Variants in CRACDL observed in about 807,000 individuals in gnomAD.
The protein encoded by CRACDL is CRACD like.
A neutral mutation model predicts 70.6 loss-of-function variants in CRACDL; 26 were observed. The ratio of observed to expected loss-of-function variants is 0.37; its 90% CI spans 0.27 to 0.51. The LOEUF (loss-of-function observed/expected upper bound fraction) is 0.51, where lower values mean the gene tolerates loss of function less well. Among genes scored for constraint, CRACDL ranks in the 20% least tolerant of loss-of-function variants. The probability of loss-of-function intolerance (pLI) is 0.94; values close to 1 mark genes in which losing one functional copy is unlikely to be tolerated. For synonymous variants in CRACDL, 618 were observed against 615.2 expected, an observed-to-expected ratio of 1.00 and a Z score of -0.07; for missense variants, 1,283 against 1,376.9, an observed-to-expected ratio of 0.93 and a Z score of 1.08.
intron 1 of CRACDL, among the ~76,000 whole-genome samples, chr2:98,857,342 G>T (rs1048214365): frequency 6.6e-6 from 1 of 152,048 alleles, no homozygotes; most frequent in Non-Finnish European, 1.5e-5. Context: ...TTAAAAGACA[G>T]AAAATGATAT....
At position 98,822,387 on chromosome 2, in the gene CRACDL, G is replaced by A. The variant is rs760247806; in HGVS notation, c.1886C>T (p.Pro629Leu). 2.0e-5 allele frequency: 30 copies of A among 1,478,132 alleles called. No individual in the cohort carries two copies. Among genetic ancestry groups the A allele is most frequent in the Non-Finnish European group, 3.6e-6 (4 of 1,123,456 alleles). 91.6% of individuals were successfully genotyped at this position (1,478,132 alleles called of 1,614,324 possible). ...AGGGCCGCGCTCCGCCAGCTTCCGA[G>A]GGCCAGGTTTCGCGTGCTGGGGCTC... is the stretch of plus-strand genomic sequence containing the variant. ...LPEPQHAKPG[P>L]RKLAERGPQD... Residue 629 changes from proline (P) to leucine (L), a missense_variant, in exon 7 of 10, where the codon CCT (proline) becomes CTT (leucine). Physicochemically the swap from Pro to Leu is moderately conservative, Grantham distance 98 (BLOSUM62 -3). Around this residue, in one of 2 missense-constraint regions of CRACDL, gnomAD observed 921 missense variants for 881.9 expected, o/e 1.04. Coordinates refer to ENST00000397899, the MANE Select transcript of CRACDL (RefSeq NM_207362.3). This position sits in a 1 kb window ranked among gnomAD's most constrained non-coding sequence, Gnocchi z 4.9.
intron 7 of CRACDL, among the ~76,000 whole-genome samples, chr2:98,811,107 T>C (rs1404494173): frequency 6.6e-6 from 1 of 152,118 alleles, no homozygotes; most frequent in African/African-American, 2.4e-5. Flanking sequence ...ATGACTGCAG[T>C]GTTCAAGGGA....
At chr2:98,827,949 C>T (rs576087772) in intron 5 of CRACDL, among the ~76,000 whole-genome samples, 1 of 152,344 alleles carries the variant, frequency 6.6e-6, no homozygotes, top group South Asian at 2.1e-4. Flanking sequence ...GTTGGTTCAA[C>T]CTAGAAGGTC....
At chr2:98,899,303 GTA>G (rs1708206057) in intron 1 of CRACDL, among the ~76,000 whole-genome samples, 2 of 152,252 alleles carry the variant, frequency 1.3e-5, no homozygotes, top group African/African-American at 2.4e-5. Flanking sequence ...TTTTAAAAAT[GTA>G]CAAGTATGTA....
chr2:98,833,413 T>C (rs1415651456), intron 3 of CRACDL, among the ~76,000 whole-genome samples: 1 of 152,202 alleles, frequency 6.6e-6, no homozygotes, highest in Non-Finnish European at 1.5e-5. Flanking sequence ...CTGAAGGCTG[T>C]GTGTGCAGCA....
At chr2:98,925,757 A>G (rs1708896111) in intron 1 of CRACDL, among the ~76,000 whole-genome samples, 1 of 152,216 alleles carries the variant, frequency 6.6e-6, no homozygotes, top group Non-Finnish European at 1.5e-5. Flanking sequence ...TACAAGGATT[A>G]AATAAGATGA....
intron 7 of CRACDL, among the ~76,000 whole-genome samples, chr2:98,810,932 C>T (rs1385720345): frequency 6.6e-6 from 1 of 151,040 alleles, no homozygotes; most frequent in East Asian, 1.9e-4. Context: ...TACAGTGTAA[C>T]CCTTAAAAAG....
intron 1 of CRACDL, among the ~76,000 whole-genome samples, chr2:98,869,650 T>C (rs962455377): frequency 2.6e-5 from 4 of 152,114 alleles, no homozygotes; most frequent in Admixed American, 6.5e-5. Context: ...CCCAGGGCTC[T>C]CCTCTCTCAT....
intron 7 of CRACDL, among the ~76,000 whole-genome samples, chr2:98,819,619 C>T (rs560539892): frequency 2.0e-5 from 3 of 152,198 alleles, no homozygotes; most frequent in African/African-American, 7.2e-5. Flanking sequence ...TTGTGTGTCA[C>T]GTTAGGAATT....
At chr2:98,895,109 TA>T (rs570033692) in intron 1 of CRACDL, among the ~76,000 whole-genome samples, 3 of 150,794 alleles carry the variant, frequency 2.0e-5, no homozygotes, top group Admixed American at 1.3e-4. Context: ...GACCCTGTCT[TA>T]AAAAAAAACA....
At chr2:98,874,774 A>G (rs1707439579) in intron 1 of CRACDL, among the ~76,000 whole-genome samples, 1 of 152,200 alleles carries the variant, frequency 6.6e-6, no homozygotes, top group Non-Finnish European at 1.5e-5. Context: ...GAGGTAGCCC[A>G]AGGCACAGGG....
intron 1 of CRACDL, among the ~76,000 whole-genome samples, chr2:98,926,527 G>T (rs1275422235): frequency 1.3e-5 from 2 of 152,168 alleles, no homozygotes; most frequent in African/African-American, 2.4e-5. Flanking sequence ...CTGCCCCCAT[G>T]GTCTCCAACC....
At position 98,823,032 on chromosome 2, in the gene CRACDL, G is replaced by C. The variant is rs1031823100; in HGVS notation, c.1241C>G (p.Pro414Arg). 3 of 1,546,670 alleles carry C rather than the reference G, an allele frequency of 1.9e-6. No homozygotes were observed. The highest frequency in any genetic ancestry group is 2.6e-5 in the East Asian group (1 of 38,344). Residue 414 changes from proline (P) to arginine (R), a missense_variant, in exon 7 of 10, where the codon CCC becomes CGC. Around this residue, in one of 2 missense-constraint regions of CRACDL, gnomAD observed 921 missense variants for 881.9 expected, o/e 1.04. Coordinates refer to ENST00000397899, the MANE Select transcript of CRACDL (RefSeq NM_207362.3). The surrounding 1 kb of genome is among the most constrained non-coding windows in gnomAD (Gnocchi z 4.0). ...TAIPEGDTTP[P>R]ETDPAATSEA... is the part of the protein sequence containing the mutation. The stretch of plus-strand genomic sequence containing the variant: ...TGAGGTGGCGGCGGGGTCAGTCTCG[G>C]GGGGAGTCGTGTCCCCCTCAGGGAT...
intron 1 of CRACDL, among the ~76,000 whole-genome samples, chr2:98,903,828 T>C (rs1708343023): frequency 1.3e-5 from 2 of 152,256 alleles, no homozygotes; most frequent in African/African-American, 4.8e-5. Context: ...AGGATCATCC[T>C]TCAACATGCA....
intron 1 of CRACDL, among the ~76,000 whole-genome samples, chr2:98,906,521 C>G (rs1241746078): frequency 6.8e-6 from 1 of 146,342 alleles, no homozygotes; most frequent in Non-Finnish European, 1.5e-5. Context: ...CTCGGCCTCC[C>G]AAAGTGCTGG....
chr2:98,887,165 G>C (rs143096348), intron 1 of CRACDL, among the ~76,000 whole-genome samples: 1 of 152,258 alleles, frequency 6.6e-6, no homozygotes, highest in Non-Finnish European at 1.5e-5. Flanking sequence ...ATTGAGATTA[G>C]CCAATTTAAG....
intron 1 of CRACDL, among the ~76,000 whole-genome samples, chr2:98,895,463 G>A (rs1708094442): frequency 6.6e-6 from 1 of 152,178 alleles, no homozygotes; most frequent in African/African-American, 2.4e-5. Flanking sequence ...GAACAGGGAA[G>A]ACGAGATTCC....
rs1451450844 is a variant in CRACDL at position 98,796,284 on chromosome 2, A to G, written c.2605-20T>C. On this transcript the variant is annotated intron_variant, in intron 8 of 9. Coordinates refer to ENST00000397899, the MANE Select transcript of CRACDL (RefSeq NM_207362.3). ...AGGCTCCTGTTGGGACATAAGACACATGCTGCCAAGTTAACAATGATTCAG... is the reference window on the plus strand; with the variant it reads ...AGGCTCCTGTTGGGACATAAGACACGTGCTGCCAAGTTAACAATGATTCAG... The G allele has an allele frequency of 1.2e-6, 2 of 1,607,582 alleles. No homozygotes were observed. Among genetic ancestry groups the G allele is most frequent in the Admixed American group, 3.3e-5 (2 of 59,950 alleles).
rs148242199 is a variant in CRACDL, at chr2:98,802,562, C to T, written c.2417-5025G>A. ...TTCTAGAGGTGTTCAACTACGCCTA[C>T]GTGGGACAGATTCGTCTCATCACTT... On this transcript the variant is annotated intron_variant, in intron 7 of 9. Coordinates refer to ENST00000397899, the MANE Select transcript of CRACDL (RefSeq NM_207362.3). Among the ~76,000 whole-genome samples the T allele has an allele frequency of 1.6e-4, 24 of 151,908 alleles. No individual in the cohort carries two copies. The East Asian group carries it at 2.9e-3, about 18-fold the overall frequency.
Sources: allele counts gnomAD v4.1 joint callset (sites outside exome capture counted in the v4.1 genomes callset), GRCh38; gene constraint gnomAD v4.1.1; regional missense constraint gnomAD v4.1.1; non-coding constraint Gnocchi (gnomAD v3.1); transcripts MANE v1.5; gene names NCBI Gene and HGNC (gene_info 2026-07-23, HGNC 2026-07-21).